SMIM10L3: variants seen among roughly 807,000 people sequenced by gnomAD.
SMIM10L3 encodes the protein salivary gland specific protein SAGSIN1.
chr7:6,348,565 T>A, the SMIM10L3 span: 1 of 434,326 alleles, frequency 2.3e-6, no homozygotes, highest in Non-Finnish European at 4.1e-6. Flanking sequence ...CAGGCACGGC[T>A]CACCCACCTG....
At chr7:6,346,053 G>A in the SMIM10L3 span, among the ~76,000 whole-genome samples, 4 of 152,272 alleles carry the variant, frequency 2.6e-5, no homozygotes, top group South Asian at 8.3e-4. Flanking sequence ...ACAGGCATGA[G>A]ACACCATGCC....
At chr7:6,348,495 C>T in the SMIM10L3 span, 1 of 410,200 alleles carries the variant, frequency 2.4e-6, no homozygotes, top group Non-Finnish European at 4.3e-6. Flanking sequence ...GCAGTGGCAG[C>T]TGCCGTGGCG....
the SMIM10L3 span, among the ~76,000 whole-genome samples, chr7:6,345,729 CAA>C: frequency 1.3e-5 from 2 of 151,902 alleles, no homozygotes; most frequent in African/African-American, 4.8e-5. Flanking sequence ...GTTTTGCCCT[CAA>C]AGTTTCTTTT....
the SMIM10L3 span, among the ~76,000 whole-genome samples, chr7:6,339,771 G>A: frequency 8.0e-5 from 12 of 149,746 alleles, no homozygotes; most frequent in South Asian, 2.1e-4. Context: ...GTGCCCAGCC[G>A]TACCCCTCTC....
the SMIM10L3 span, chr7:6,348,481 C>G: frequency 2.4e-6 from 1 of 409,134 alleles, no homozygotes; most frequent in Non-Finnish European, 4.3e-6. Flanking sequence ...CACTCAGCTT[C>G]TAGGCAGTGG....
chr7:6,347,883 TTTATTATTA>T, the SMIM10L3 span, among the ~76,000 whole-genome samples: 502 of 131,520 alleles, frequency 3.8e-3, 3 homozygotes, highest in East Asian at 0.014. Context: ...ACGAGACCCC[TTTATTATTA>T]TTATTATTAT....
the SMIM10L3 span, among the ~76,000 whole-genome samples, chr7:6,345,569 T>G: frequency 6.6e-6 from 1 of 152,128 alleles, no homozygotes; most frequent in Non-Finnish European, 1.5e-5. Context: ...GTTTCAATGG[T>G]AAAGAGCATA....
At chr7:6,334,940 G>A in the SMIM10L3 span, among the ~76,000 whole-genome samples, 3 of 147,702 alleles carry the variant, frequency 2.0e-5, no homozygotes. Flanking sequence ...GGCCAATTTT[G>A]TATTTTTAAT....
the SMIM10L3 span, among the ~76,000 whole-genome samples, chr7:6,347,883 T>TTTATTA: frequency 0.2 from 25,999 of 131,214 alleles, 2,907 homozygotes; most frequent in Non-Finnish European, 0.25. Context: ...ACGAGACCCC[T>TTTATTA]TTATTATTAT....
At chr7:6,344,290 C>CT in the SMIM10L3 span, among the ~76,000 whole-genome samples, 1 of 152,070 alleles carries the variant, frequency 6.6e-6, no homozygotes, top group Admixed American at 6.6e-5. Flanking sequence ...AACAAAAACT[C>CT]TAAAACCTGC....
chr7:6,348,025 C>T, the SMIM10L3 span, among the ~76,000 whole-genome samples: 1 of 151,700 alleles, frequency 6.6e-6, no homozygotes, highest in East Asian at 1.9e-4. Flanking sequence ...ATTCTGCCGC[C>T]TCAGCCTCCC....
chr7:6,331,241 A>T, the SMIM10L3 span: 1 of 1,326,416 alleles, frequency 7.5e-7, no homozygotes, highest in South Asian at 1.5e-5. Context: ...TGAACCTAGG[A>T]AAGGGAATCA....
chr7:6,333,949 C>G, the SMIM10L3 span, among the ~76,000 whole-genome samples: 5 of 150,576 alleles, frequency 3.3e-5, no homozygotes, highest in African/African-American at 9.8e-5. Context: ...CGGGTTCACG[C>G]CATTCTCCTG....
the SMIM10L3 span, among the ~76,000 whole-genome samples, chr7:6,333,863 A>C: frequency 4.7e-5 from 3 of 63,918 alleles, no homozygotes; most frequent in Non-Finnish European, 5.8e-5. Flanking sequence ...TTTTTTTTTG[A>C]GACAGAGTCT....
chr7:6,339,642 C>G, the SMIM10L3 span, among the ~76,000 whole-genome samples: 2 of 151,940 alleles, frequency 1.3e-5, no homozygotes, highest in Non-Finnish European at 2.9e-5. Context: ...CGCCACCACG[C>G]CTGGGTAATG....
chr7:6,345,478 A>T, the SMIM10L3 span, among the ~76,000 whole-genome samples: 1 of 152,134 alleles, frequency 6.6e-6, no homozygotes, highest in Non-Finnish European at 1.5e-5. Flanking sequence ...AGATACTACA[A>T]TAGTCCAGGC....
the SMIM10L3 span, chr7:6,348,435 T>C: frequency 2.5e-6 from 1 of 396,314 alleles, no homozygotes; most frequent in Non-Finnish European, 4.4e-6. Flanking sequence ...CTCCCCAAAG[T>C]AGGGTCGCAC....
the SMIM10L3 span, among the ~76,000 whole-genome samples, chr7:6,331,694 T>C: frequency 2.0e-5 from 3 of 151,468 alleles, no homozygotes; most frequent in Middle Eastern, 3.5e-3. Context: ...GGAGAACATT[T>C]CGTGGGCTTA....
At chr7:6,333,906 G>T in the SMIM10L3 span, among the ~76,000 whole-genome samples, 2 of 146,806 alleles carry the variant, frequency 1.4e-5, no homozygotes, top group South Asian at 4.4e-4. Context: ...GAGTGCAGTG[G>T]CGCCATCTCA....
Sources: gnomAD v4.1 joint callset for allele counts (sites outside exome capture counted in the v4.1 genomes callset) on GRCh38, gnomAD v4.1.1 for gene constraint, MANE v1.5 for transcripts, NCBI Gene and HGNC (gene_info 2026-07-23, HGNC 2026-07-21) for gene names.